DRC8: variants seen among roughly 807,000 people sequenced by gnomAD.
DRC8 encodes dynein regulatory complex subunit 8.
chr1:244,977,874 T>C, the DRC8 span, among the ~76,000 whole-genome samples: 5 of 152,192 alleles, frequency 3.3e-5, no homozygotes, highest in Non-Finnish European at 4.4e-5. Flanking sequence ...TAAATGGTTG[T>C]ATGTCCACTT....
chr1:245,028,329 T>G, the DRC8 span, among the ~76,000 whole-genome samples: 4 of 152,232 alleles, frequency 2.6e-5, no homozygotes. Context: ...TTCCTAATTT[T>G]AGAAATGTAG....
chr1:245,001,611 G>GA, the DRC8 span, among the ~76,000 whole-genome samples: 1 of 152,140 alleles, frequency 6.6e-6, no homozygotes, highest in Non-Finnish European at 1.5e-5. Flanking sequence ...CCTGTGTCTT[G>GA]CTCCTGATCC....
the DRC8 span, among the ~76,000 whole-genome samples, chr1:244,992,042 T>C: frequency 6.6e-6 from 1 of 152,240 alleles, no homozygotes; most frequent in African/African-American, 2.4e-5. Context: ...TAAGCTTTCT[T>C]CTAACTAGCA....
At chr1:244,986,763 G>C in the DRC8 span, among the ~76,000 whole-genome samples, 1 of 143,680 alleles carries the variant, frequency 7.0e-6, no homozygotes, top group African/African-American at 2.5e-5. Flanking sequence ...AAAAAAAAAA[G>C]ATCACTTGCT....
At chr1:245,038,597 A>G in the DRC8 span, among the ~76,000 whole-genome samples, 1 of 147,290 alleles carries the variant, frequency 6.8e-6, no homozygotes, top group Non-Finnish European at 1.5e-5. Flanking sequence ...TTCCAAGTGC[A>G]TATGGAAAGT....
At chr1:245,104,064 A>T in the DRC8 span, among the ~76,000 whole-genome samples, 83 of 152,264 alleles carry the variant, frequency 5.5e-4, no homozygotes, top group Middle Eastern at 0.01. Flanking sequence ...GCTCACTTTG[A>T]TGGGGATGTG....
At chr1:245,108,047 C>G in the DRC8 span, among the ~76,000 whole-genome samples, 1 of 152,292 alleles carries the variant, frequency 6.6e-6, no homozygotes, top group Admixed American at 6.5e-5. Flanking sequence ...CTGTGCTTAT[C>G]GCTTTCAGAC....
the DRC8 span, among the ~76,000 whole-genome samples, chr1:245,006,824 C>G: frequency 9.2e-5 from 14 of 152,086 alleles, no homozygotes; most frequent in African/African-American, 3.1e-4. Context: ...GTCCTAGCTA[C>G]TTGGGGAGCT....
the DRC8 span, among the ~76,000 whole-genome samples, chr1:245,078,662 G>A: frequency 3.3e-5 from 5 of 152,116 alleles, no homozygotes; most frequent in Non-Finnish European, 4.4e-5. Context: ...GTAGTTAACC[G>A]GGGGTGGGGG....
At chr1:245,014,042 AAAAAAAAGAC>A in the DRC8 span, among the ~76,000 whole-genome samples, 11 of 149,196 alleles carry the variant, frequency 7.4e-5, no homozygotes, top group African/African-American at 2.7e-4. Context: ...AAAAAAAAAA[AAAAAAAAGAC>A]AAAAAAAAAG....
At chr1:245,040,201 A>G in the DRC8 span, among the ~76,000 whole-genome samples, 22 of 152,204 alleles carry the variant, frequency 1.4e-4, no homozygotes, top group Non-Finnish European at 1.5e-5. Context: ...CCATTGGGCA[A>G]TGTGGAATTT....
chr1:245,032,874 T>C, the DRC8 span, among the ~76,000 whole-genome samples: 5 of 152,058 alleles, frequency 3.3e-5, no homozygotes, highest in African/African-American at 1.2e-4. Context: ...AAGAAAACCC[T>C]AGCCAGGTGT....
chr1:245,020,090 A>G, the DRC8 span, among the ~76,000 whole-genome samples: 2 of 152,028 alleles, frequency 1.3e-5, no homozygotes, highest in African/African-American at 4.8e-5. Context: ...TTCCTCCCCT[A>G]ACTGCTTTAT....
chr1:244,974,108 TA>T, the DRC8 span, among the ~76,000 whole-genome samples: 3 of 152,224 alleles, frequency 2.0e-5, no homozygotes, highest in African/African-American at 7.2e-5. Context: ...GAAGGTTTAT[TA>T]TTTTTCCAAA....
chr1:244,977,385 T>G, the DRC8 span, among the ~76,000 whole-genome samples: 1 of 152,162 alleles, frequency 6.6e-6, no homozygotes, highest in African/African-American at 2.4e-5. Context: ...AAATTTGTAT[T>G]GAAGAATAAA....
At chr1:244,972,271 AC>A in the DRC8 span, among the ~76,000 whole-genome samples, 1 of 152,238 alleles carries the variant, frequency 6.6e-6, no homozygotes, top group African/African-American at 2.4e-5. Flanking sequence ...AAGGCATTCT[AC>A]TTAGAACTTT....
At chr1:244,970,398 G>A in the DRC8 span, 64 of 1,538,782 alleles carry the variant, frequency 4.2e-5, no homozygotes, top group East Asian at 1.3e-3. Context: ...GCATCTCCCA[G>A]GCGACCGGCT....
chr1:245,096,995 G>A, the DRC8 span, among the ~76,000 whole-genome samples: 2 of 152,182 alleles, frequency 1.3e-5, no homozygotes, highest in Non-Finnish European at 1.5e-5. Context: ...TCATTACAAA[G>A]TGTTCAGTAA....
chr1:245,083,280 G>A, the DRC8 span, among the ~76,000 whole-genome samples: 4 of 152,142 alleles, frequency 2.6e-5, no homozygotes, highest in Non-Finnish European at 5.9e-5. Flanking sequence ...CTGAGGTGGA[G>A]CAGTTTCATC....
Sources: gnomAD v4.1 joint callset for allele counts (sites outside exome capture counted in the v4.1 genomes callset) on GRCh38, gnomAD v4.1.1 for gene constraint, MANE v1.5 for transcripts, NCBI Gene and HGNC (gene_info 2026-07-23, HGNC 2026-07-21) for gene names.